Variants in GABBR1 observed in about 807,000 individuals in gnomAD.
GABBR1 encodes GABA-B receptor, R1 subunit.
Under a neutral mutation model 117.7 loss-of-function variants are expected in GABBR1, and 35 were observed. The ratio of observed to expected loss-of-function variants is 0.30; its 90% CI spans 0.23 to 0.39. The LOEUF (loss-of-function observed/expected upper bound fraction) is 0.39. Among genes scored for constraint, GABBR1 ranks in the 10% least tolerant of loss-of-function variants. The pLI is 1.00. For missense variants in GABBR1, 709 were observed against 1,241.8 expected (o/e 0.57, Z 6.45); for synonymous variants, 442 against 486.6 (o/e 0.91, Z 1.21).
rs1762469760 is a variant in GABBR1, at chr6:29,610,864, T to C, written c.1708+60A>G. The stretch of plus-strand genomic sequence containing the variant: ...ACCATTCCATCCTCACTCAAAGGCA[T>C]GACTTTTTCCCTTGACTGTCGAGAG... On this transcript the variant is annotated intron_variant, in intron 14 of 22. Transcript: ENST00000377034. 3 of 1,426,510 alleles carry C rather than the reference T, an allele frequency of 2.1e-6. No homozygotes were observed. The African/African-American group carries it at 4.2e-5, about 20-fold the overall frequency. 88.4% of individuals were successfully genotyped at this position (1,426,510 alleles called of 1,614,324 possible).
Position 29,608,649 on chromosome 6 carries a change from C to T in GABBR1, c.1944G>A (p.Gly648=), listed in dbSNP as rs1481471697. ...SLALAAVFPL[G]LDGYHIGRNQ... is the part of the protein sequence containing the mutation. ...TCCTCCCAATGTGGTAACCATCGAGCCCCAGGGGGAAGACAGCAGCTAAAG... is the reference window on the plus strand; with the variant it reads ...TCCTCCCAATGTGGTAACCATCGAGTCCCAGGGGGAAGACAGCAGCTAAAG... The change falls in exon 16 of 23, where the codon GGG becomes GGA. Residue 648 remains glycine, a synonymous_variant. Coordinates refer to ENST00000377034, the MANE Select transcript of GABBR1 (RefSeq NM_001470.4). 3 of 1,612,886 alleles carry T rather than the reference C, an allele frequency of 1.9e-6. No individual in the cohort carries two copies. Among genetic ancestry groups the T allele is most frequent in the Admixed American group, 1.7e-5 (1 of 59,992 alleles).
intron 14 of GABBR1, among the ~76,000 whole-genome samples, chr6:29,610,161 A>G (rs29259): frequency 0.17 from 25,537 of 151,546 alleles, 2,421 homozygotes; most frequent in Middle Eastern, 0.35. Flanking sequence ...TCAATGGTTG[A>G]GCCTCCCCTT....
At position 29,631,432 on chromosome 6, in the gene GABBR1, C is replaced by G. The variant is rs1161935820; in HGVS notation, c.253G>C (p.Gly85Arg). 4.3e-6 allele frequency: 7 copies of G among 1,614,130 alleles called. No individual in the cohort carries two copies. The South Asian group carries it at 5.5e-5, about 13-fold the overall frequency. ...GPKVRKCLANGSWTDMDTPSR... is the reference protein window; with the variant it reads ...GPKVRKCLANRSWTDMDTPSR... ...GGTGTGTCCATATCTGTCCAGGAGCCGTTGGCCAGGCACTTGCGGACCTTG... is the reference window on the plus strand; with the variant it reads ...GGTGTGTCCATATCTGTCCAGGAGCGGTTGGCCAGGCACTTGCGGACCTTG... The change falls in exon 3 of 23, where the codon GGC (glycine) becomes CGC (arginine). Residue 85 changes from glycine (G) to arginine (R), a missense_variant. Gly to Arg is a moderately radical substitution (Grantham distance 125). Coordinates refer to ENST00000377034, the MANE Select transcript of GABBR1 (RefSeq NM_001470.4). This position sits in a 1 kb window ranked among gnomAD's most constrained non-coding sequence, Gnocchi z 5.9.
At position 29,606,630 on chromosome 6, in the gene GABBR1, C is replaced by A; in HGVS notation, c.2218-146G>T. Reference sequence around the variant, plus strand: ...TCATTCTAGGCCTAAGAATGTTTTCCTGAACCCTTGGAGGTGCTTGTTCCC... The same window carrying A: ...TCATTCTAGGCCTAAGAATGTTTTCATGAACCCTTGGAGGTGCTTGTTCCC... On this transcript the variant is annotated intron_variant, in intron 18 of 22. Transcript: ENST00000377034. The surrounding 1 kb of genome is among the most constrained non-coding windows in gnomAD (Gnocchi z 4.5). The A allele has an allele frequency of 1.5e-6, 1 of 688,350 alleles. No individual in the cohort carries two copies. Among genetic ancestry groups the A allele is most frequent in the South Asian group, 1.7e-5 (1 of 58,464 alleles). 42.6% of individuals were successfully genotyped at this position (688,350 alleles called of 1,614,324 possible). A position where few individuals can be genotyped will look rare whatever the true frequency, so the allele number is the denominator to read the frequency against.
rs1761727702 is a variant in GABBR1 at position 29,604,378 on chromosome 6, C to T, written c.2712+116G>A. 1.5e-6 allele frequency: 2 copies of T among 1,319,722 alleles called. No homozygotes were observed. Among genetic ancestry groups the T allele is most frequent in the Middle Eastern group, 1.8e-4 (1 of 5,468 alleles). 81.8% of individuals were successfully genotyped at this position (1,319,722 alleles called of 1,614,324 possible). On this transcript the variant is annotated intron_variant, in intron 22 of 22. Coordinates refer to ENST00000377034, the MANE Select transcript of GABBR1 (RefSeq NM_001470.4). This position sits in a 1 kb window ranked among gnomAD's most constrained non-coding sequence, Gnocchi z 5.3. ...TACAGGTTGTCTCCTAGGACCCTCC[C>T]TCCATGAGCCAAGAACATCTGACCC...
Position 29,627,847 on chromosome 6 carries a change from T to G in GABBR1, c.497-201A>C. ...GCGTTAGGAGCTCAGGGGGGACACT[T>G]TTCCTGGGGAGGGCTGCTAAGAGGG... is the stretch of plus-strand genomic sequence containing the variant. On this transcript the variant is annotated intron_variant, in intron 5 of 22. Coordinates refer to ENST00000377034, the MANE Select transcript of GABBR1 (RefSeq NM_001470.4). This position sits in a 1 kb window ranked among gnomAD's most constrained non-coding sequence, Gnocchi z 4.4. The G allele has an allele frequency of 7.2e-7, 1 of 1,394,266 alleles. No homozygotes were observed. The highest frequency in any genetic ancestry group is 9.3e-7 in the Non-Finnish European group (1 of 1,080,202). The allele number at this position is 1,394,266 out of a possible 1,614,324, so 86.4% of individuals were successfully genotyped here. A position where few individuals can be genotyped will look rare whatever the true frequency, so the allele number is the denominator to read the frequency against.
At chr6:29,608,480 A>C in intron 16 of GABBR1, 121 bp downstream of exon 16, 1 of 1,056,478 alleles carries the variant, frequency 9.5e-7, no homozygotes, top group Non-Finnish European at 1.4e-6. Context: ...GAAGGAAAGA[A>C]CAGGGACAAG....
Position 29,632,860 on chromosome 6 carries a change from G to A in GABBR1, c.-11C>T, listed in dbSNP as rs374575142. Reference sequence around the variant, plus strand: ...GGCCCTGGCTCTTACCTCGGCGCGCGGGCCCGGCTCCCCGGCTCTCCCCGG... The same window carrying A: ...GGCCCTGGCTCTTACCTCGGCGCGCAGGCCCGGCTCCCCGGCTCTCCCCGG... On this transcript the variant is annotated 5_prime_UTR_variant, in exon 1 of 23. Transcript: ENST00000377034. This position sits in a 1 kb window ranked among gnomAD's most constrained non-coding sequence, Gnocchi z 5.8. The A allele has an allele frequency of 6.3e-6, 2 of 316,034 alleles. No homozygotes were observed. The highest frequency in any genetic ancestry group is 1.8e-4 in the East Asian group (1 of 5,658). The allele number at this position is 316,034 out of a possible 1,614,324, so 19.6% of individuals were successfully genotyped here.
Position 29,609,234 on chromosome 6 carries a change from A to C in GABBR1, c.1854T>G (p.His618Gln), listed in dbSNP as rs763433851. 7 of 1,612,990 alleles carry C rather than the reference A, an allele frequency of 4.3e-6. No individual in the cohort carries two copies. In the Admixed American group the frequency reaches 1.0e-4, roughly 23 times the overall value. ...ACGTCAGAAGAGAAACTTACCGGAC[A>C]TGTGAGTTGTAGATGTTAAAGGACA... The part of the protein sequence containing the change: ...VCLSFNIYNS[H>Q]VRYIQNSQPN... The change falls in exon 15 of 23, where the codon CAT becomes CAG. Residue 618 changes from histidine to glutamine, a missense_variant. Physicochemically the swap from His to Gln is conservative, Grantham distance 24. Coordinates refer to ENST00000377034, the MANE Select transcript of GABBR1 (RefSeq NM_001470.4). The surrounding 1 kb of genome is among the most constrained non-coding windows in gnomAD (Gnocchi z 4.3).
chr6:29,630,617 T>A lies in GABBR1; in HGVS notation c.316A>T (p.Thr106Ser). Residue 106 changes from threonine to serine, a missense_variant, in exon 4 of 23, where the codon ACC (threonine) becomes TCC (serine). By Grantham distance (58) the Thr-to-Ser change is moderately conservative. This residue lies in a region of GABBR1 where 101 missense variants were observed against 132.3 expected (regional missense o/e 0.76). Transcript: ENST00000377034. The surrounding 1 kb of genome is among the most constrained non-coding windows in gnomAD (Gnocchi z 4.9). The part of the protein sequence containing the change: ...CVRICSKSYL[T>S]LENGKVFLTG... ...AGGAAAACCTTCCCATTTTCCAGGG[T>A]CAAATAAGACTTGGAGCAGATTCGG... 1 of 1,612,724 alleles carries A rather than the reference T, an allele frequency of 6.2e-7. No homozygotes were observed. Among genetic ancestry groups the A allele is most frequent in the Non-Finnish European group, 8.5e-7 (1 of 1,179,822 alleles).
chr6:29,629,295 ATTTTC>A, intron 4 of GABBR1, 188 bp from the exon 5 acceptor site: 1 of 707,862 alleles, frequency 1.4e-6, no homozygotes, highest in South Asian at 1.5e-5. Flanking sequence ...GTCAGGACTT[ATTTTC>A]TTCTTCGATT....
In GABBR1 at chr6:29,630,373, T is replaced by G. The variant is rs1764832272; in HGVS notation, c.475+85A>C. 5.7e-6 allele frequency: 7 copies of G among 1,237,114 alleles called. No individual in the cohort carries two copies. The Admixed American group carries it at 1.1e-4, about 20-fold the overall frequency. The allele number at this position is 1,237,114 out of a possible 1,614,324, so 76.6% of individuals were successfully genotyped here. ...TCCCCCACATTTTTATAGCTCTCCA[T>G]TCTTTCCCATTATCCATTCCCACCC... On this transcript the variant is annotated intron_variant, in intron 4 of 22. Transcript: ENST00000377034. The surrounding 1 kb of genome is among the most constrained non-coding windows in gnomAD (Gnocchi z 4.9).
intron 5 of GABBR1, chr6:29,628,141 CGGGGAGGG>C: frequency 8.7e-6 from 1 of 114,566 alleles, no homozygotes; most frequent in Non-Finnish European, 1.1e-5. Flanking sequence ...AGGAAGGGGG[CGGGGAGGG>C]AAGCGAGCGC....
At chr6:29,619,693 C>A (rs1031015494) in intron 11 of GABBR1, among the ~76,000 whole-genome samples, 1 of 150,802 alleles carries the variant, frequency 6.6e-6, no homozygotes, top group Non-Finnish European at 1.5e-5. Flanking sequence ...TAGCTCCCTG[C>A]TATAAGACAG....
rs1160884122 is a variant in GABBR1 at position 29,622,270 on chromosome 6, G to A, written c.964-65C>T. 2.9e-6 allele frequency: 3 copies of A among 1,038,322 alleles called. No individual in the cohort carries two copies. The highest frequency in any genetic ancestry group is 4.5e-6 in the Non-Finnish European group (3 of 666,246). The allele number at this position is 1,038,322 out of a possible 1,614,324, so 64.3% of individuals were successfully genotyped here. ...TGCATGAGGGAATAAAGACCAGAGA[G>A]GTTAACTGGGGATTTCAGAGCAATA... On this transcript the variant is annotated intron_variant, in intron 8 of 22. Coordinates refer to ENST00000377034, the MANE Select transcript of GABBR1 (RefSeq NM_001470.4). The surrounding 1 kb of genome is among the most constrained non-coding windows in gnomAD (Gnocchi z 4.6).
intron 13 of GABBR1, among the ~76,000 whole-genome samples, chr6:29,612,225 C>T (rs956798878): frequency 3.3e-5 from 5 of 149,868 alleles, no homozygotes; most frequent in Non-Finnish European, 5.9e-5. Flanking sequence ...GTTGGTCTGG[C>T]TGGTCTCAAA....
rs1765101312 is a variant in GABBR1, at chr6:29,632,456, C to T, written c.1-71G>A. 30 of 1,225,690 alleles carry T rather than the reference C, an allele frequency of 2.4e-5. No homozygotes were observed. The highest frequency in any genetic ancestry group is 2.9e-4 in the Middle Eastern group (1 of 3,508). The allele number at this position is 1,225,690 out of a possible 1,614,324, so 75.9% of individuals were successfully genotyped here. A position where few individuals can be genotyped will look rare whatever the true frequency, so the allele number is the denominator to read the frequency against. On this transcript the variant is annotated intron_variant, in intron 1 of 22. Coordinates refer to ENST00000377034, the MANE Select transcript of GABBR1 (RefSeq NM_001470.4). This position sits in a 1 kb window ranked among gnomAD's most constrained non-coding sequence, Gnocchi z 5.8. ...CGGCCCGCACCCGGAGACTACTCGA[C>T]CTCTTGCCGGTTGCCTCGCAGGCTC...
rs1158365654 is a variant in GABBR1 at position 29,611,907 on chromosome 6, T to C, written c.1630+644A>G. On this transcript the variant is annotated intron_variant, in intron 13 of 22. Coordinates refer to ENST00000377034, the MANE Select transcript of GABBR1 (RefSeq NM_001470.4). The surrounding 1 kb of genome is among the most constrained non-coding windows in gnomAD (Gnocchi z 4.6). ...TTTCTTGAGTCTAACTGACAGGTCA[T>C]CAACCTCTCAACCCAAGCCACTCAA... Among the ~76,000 whole-genome samples, 1 of 152,180 alleles carries C rather than the reference T, an allele frequency of 6.6e-6. No individual in the cohort carries two copies. The highest frequency in any genetic ancestry group is 1.5e-5 in the Non-Finnish European group (1 of 68,026).
chr6:29,605,460 A>T lies in GABBR1; in HGVS notation c.2439+109T>A. On this transcript the variant is annotated intron_variant, in intron 20 of 22. Coordinates refer to ENST00000377034, the MANE Select transcript of GABBR1 (RefSeq NM_001470.4). This position sits in a 1 kb window ranked among gnomAD's most constrained non-coding sequence, Gnocchi z 4.2. ...GACCTGAAGAATTAACAAACTTTTT[A>T]AGACTTCTAAGCAACCGATCCCAGA... 1 of 1,347,838 alleles carries T rather than the reference A, an allele frequency of 7.4e-7. No individual in the cohort carries two copies. Among genetic ancestry groups the T allele is most frequent in the Non-Finnish European group, 1.0e-6 (1 of 981,194 alleles). 83.5% of individuals were successfully genotyped at this position (1,347,838 alleles called of 1,614,324 possible). A position where few individuals can be genotyped will look rare whatever the true frequency, so the allele number is the denominator to read the frequency against.
Sources: gnomAD v4.1 joint callset for allele counts (sites outside exome capture counted in the v4.1 genomes callset) on GRCh38, gnomAD v4.1.1 for gene constraint, gnomAD v4.1.1 regional missense constraint, Gnocchi (gnomAD v3.1) non-coding constraint, MANE v1.5 for transcripts, NCBI Gene and HGNC (gene_info 2026-07-23, HGNC 2026-07-21) for gene names.